Variants in ZNF699 observed in about 807,000 individuals in gnomAD.
ZNF699 encodes the protein hangover homolog.
Under a neutral mutation model 22.5 loss-of-function variants are expected in ZNF699, and 18 were observed. The observed-to-expected ratio is 0.80, with a 90% confidence interval of 0.55 to 1.19. ZNF699 has a LOEUF of 1.19. Ranked by LOEUF, ZNF699 falls within the 50% of genes most tolerant of loss-of-function variation. The pLI is 0.00. For synonymous variants in ZNF699, 241 were observed against 262.3 expected (o/e 0.92, Z 0.78); for missense variants, 670 against 763.4 (o/e 0.88, Z 1.44).
intron 3 of ZNF699, among the ~76,000 whole-genome samples, chr19:9,299,539 G>C (rs2066299599): frequency 6.6e-6 from 1 of 152,052 alleles, no homozygotes; most frequent in Non-Finnish European, 1.5e-5. Context: ...CTGGACTCAA[G>C]TGATCCTCCA....
rs372135542 is a variant in ZNF699, at chr19:9,292,657, A to G, written c.*2818T>C. The stretch of plus-strand genomic sequence containing the variant: ...TCCCTTTAAAGAGTGAAAAGACAAG[A>G]CAGAGATTGGGAAATGTTATCTGTA... On this transcript the variant is annotated 3_prime_UTR_variant, in exon 6 of 6. Transcript: ENST00000591998. 4.6e-5 allele frequency among the ~76,000 whole-genome samples: 7 copies of G among 152,132 alleles called. No homozygotes were observed. The East Asian group carries it at 1.3e-3, about 29-fold the overall frequency.
At chr19:9,298,560 T>G (rs2066295817) in intron 3 of ZNF699, among the ~76,000 whole-genome samples, 1 of 152,128 alleles carries the variant, frequency 6.6e-6, no homozygotes, top group Non-Finnish European at 1.5e-5. Context: ...CAGTCACAAC[T>G]GGGACATTTT....
At position 9,305,124 on chromosome 19, in the gene ZNF699, C is replaced by A; in HGVS notation, c.-5G>T. 1 of 1,613,030 alleles carries A rather than the reference C, an allele frequency of 6.2e-7. No homozygotes were observed. The highest frequency in any genetic ancestry group is 1.1e-5 in the South Asian group (1 of 91,056). On this transcript the variant is annotated splice_region_variant and 5_prime_UTR_variant, in exon 2 of 6. Coordinates refer to ENST00000591998, the MANE Select transcript of ZNF699 (RefSeq NM_198535.3). ...AGTTTTTCTTTCTTCCTCCATGTCGCCTTCATGAAGAAAAGCAGGATATTG... is the reference window on the plus strand; with the variant it reads ...AGTTTTTCTTTCTTCCTCCATGTCGACTTCATGAAGAAAAGCAGGATATTG...
At position 9,297,838 on chromosome 19, in the gene ZNF699, T is replaced by C. The variant is rs2066292544; in HGVS notation, c.286+42A>G. The C allele has an allele frequency of 1.3e-6, 2 of 1,495,892 alleles. No individual in the cohort carries two copies. Among genetic ancestry groups the C allele is most frequent in the South Asian group, 1.1e-5 (1 of 87,482 alleles). 92.7% of individuals were successfully genotyped at this position (1,495,892 alleles called of 1,614,324 possible). On this transcript the variant is annotated intron_variant, in intron 4 of 5. Coordinates refer to ENST00000591998, the MANE Select transcript of ZNF699 (RefSeq NM_198535.3). The surrounding 1 kb of genome is among the most constrained non-coding windows in gnomAD (Gnocchi z 4.3). The stretch of plus-strand genomic sequence containing the variant: ...GTTTTTGTTTTTTACTTTAAGTTTA[T>C]TTTTTCCCCCAACCAAAACAGTTTC...
In ZNF699 at chr19:9,295,859, G is replaced by T; in HGVS notation, c.1545C>A (p.Ser515=). The change falls in exon 6 of 6, where the codon TCC becomes TCA. Residue 515 remains serine (S), a synonymous_variant. Transcript: ENST00000591998. Reference sequence around the variant, plus strand: ...TTCTGATATGTACTGTAAGGTGGGAGGAACTAATAAAGGCTTTCCCACATT... The same window carrying T: ...TTCTGATATGTACTGTAAGGTGGGATGAACTAATAAAGGCTTTCCCACATT... ...CKECGKAFIS[S]SHLTVHIRTH... 1.2e-6 allele frequency: 2 copies of T among 1,613,954 alleles called. No individual in the cohort carries two copies. Among genetic ancestry groups the T allele is most frequent in the Non-Finnish European group, 1.7e-6 (2 of 1,179,972 alleles).
chr19:9,306,323 C>T (rs1401990668), intron 1 of ZNF699, among the ~76,000 whole-genome samples: 2 of 150,946 alleles, frequency 1.3e-5, no homozygotes, highest in African/African-American at 2.4e-5. Flanking sequence ...ACCCGGGAGG[C>T]GGAGGTTGCA....
chr19:9,296,967 A>G (rs915925462), intron 5 of ZNF699, 34 bp from the exon 6 acceptor site: 16 of 1,453,998 alleles, frequency 1.1e-5, no homozygotes, highest in East Asian at 7.2e-5. Context: ...ATTAGTAATA[A>G]ATTTCTACCA....
Position 9,298,004 on chromosome 19 carries a change from A to C in ZNF699, c.176-14T>G. 6.5e-7 allele frequency: 1 copy of C among 1,527,124 alleles called. No homozygotes were observed. Among genetic ancestry groups the C allele is most frequent in the African/African-American group, 1.4e-5 (1 of 72,844 alleles). 94.6% of individuals were successfully genotyped at this position (1,527,124 alleles called of 1,614,324 possible). On this transcript the variant is annotated splice_polypyrimidine_tract_variant and intron_variant, in intron 3 of 5. Coordinates refer to ENST00000591998, the MANE Select transcript of ZNF699 (RefSeq NM_198535.3). ...GTAGCGGATACCCTGCACAAGCAGA[A>C]AGGCATATCACGAGGGAAAATAATG...
Position 9,292,051 on chromosome 19 carries a change from C to T in ZNF699, c.*3424G>A, listed in dbSNP as rs1236452096. ...ACACATGTTAATGGATGACACCTGACCTTTCTAAAATGCTATCTAGGAACT... is the reference window on the plus strand; with the variant it reads ...ACACATGTTAATGGATGACACCTGATCTTTCTAAAATGCTATCTAGGAACT... On this transcript the variant is annotated 3_prime_UTR_variant, in exon 6 of 6. Coordinates refer to ENST00000591998, the MANE Select transcript of ZNF699 (RefSeq NM_198535.3). 6.6e-6 allele frequency among the ~76,000 whole-genome samples: 1 copy of T among 152,152 alleles called. No individual in the cohort carries two copies.
chr19:9,300,969 A>T (rs1340584040), intron 3 of ZNF699, among the ~76,000 whole-genome samples: 1 of 152,206 alleles, frequency 6.6e-6, no homozygotes, highest in Admixed American at 6.5e-5. Context: ...GTGTCAATGT[A>T]GCTTCATCAG....
At chr19:9,307,041 A>G (rs1047542604) in intron 1 of ZNF699, among the ~76,000 whole-genome samples, 10 of 152,136 alleles carry the variant, frequency 6.6e-5, no homozygotes, top group African/African-American at 2.4e-4. Flanking sequence ...TCTCTACTAA[A>G]ACTACAAAAA....
chr19:9,304,900 C>T (rs889892851), intron 2 of ZNF699, among the ~76,000 whole-genome samples, 172 bp downstream of exon 2: 5 of 137,830 alleles, frequency 3.6e-5, no homozygotes, highest in African/African-American at 8.1e-5. Flanking sequence ...TCCAGCCTGG[C>T]GACAGAGCAA....
intron 3 of ZNF699, among the ~76,000 whole-genome samples, chr19:9,301,596 G>A (rs1005192594): frequency 2.0e-5 from 3 of 152,202 alleles, no homozygotes; most frequent in African/African-American, 7.2e-5. Flanking sequence ...TCACTCAACT[G>A]AAGCACAAAT....
At chr19:9,301,857 C>T (rs1159060041) in intron 3 of ZNF699, among the ~76,000 whole-genome samples, 2 of 151,096 alleles carry the variant, frequency 1.3e-5, no homozygotes, top group Non-Finnish European at 3.0e-5. Flanking sequence ...GGCTTTCAAC[C>T]ACGAAAAAAA....
Position 9,295,468 on chromosome 19 carries a change from C to T in ZNF699, c.*7G>A. 6.3e-7 allele frequency: 1 copy of T among 1,597,480 alleles called. No individual in the cohort carries two copies. The highest frequency in any genetic ancestry group is 8.5e-7 in the Non-Finnish European group (1 of 1,171,872). On this transcript the variant is annotated 3_prime_UTR_variant, in exon 6 of 6. Transcript: ENST00000591998. ...AAGCTTTGCAGACATTCCCATATTC[C>T]TTACATTTATATGTTTTCTCTAGTG...
chr19:9,303,942 C>G (rs779875684), intron 2 of ZNF699, among the ~76,000 whole-genome samples: 2 of 151,912 alleles, frequency 1.3e-5, no homozygotes, highest in African/African-American at 2.4e-5. Context: ...CTCAGCCTCC[C>G]GAGTAGCTGG....
At position 9,302,518 on chromosome 19, in the gene ZNF699, C is replaced by T. The variant is rs768808706; in HGVS notation, c.49-14G>A. ...GACTACTGAGTCCTAAAACATACCACAAATTCTGTTCAGAAAGGTACAATT... is the reference window on the plus strand; with the variant it reads ...GACTACTGAGTCCTAAAACATACCATAAATTCTGTTCAGAAAGGTACAATT... On this transcript the variant is annotated splice_polypyrimidine_tract_variant and intron_variant, in intron 2 of 5. Transcript: ENST00000591998. The T allele has an allele frequency of 6.3e-7, 1 of 1,596,628 alleles. No individual in the cohort carries two copies. The highest frequency in any genetic ancestry group is 1.4e-5 in the African/African-American group (1 of 74,028).
chr19:9,307,491 G>A (rs1236631381), intron 1 of ZNF699, among the ~76,000 whole-genome samples: 3 of 152,118 alleles, frequency 2.0e-5, no homozygotes, highest in African/African-American at 7.2e-5. Flanking sequence ...CACATTATAG[G>A]GATAAGGAGA....
rs74633782 is a variant in ZNF699, at chr19:9,303,450, G to A, written c.49-946C>T. Among the ~76,000 whole-genome samples the A allele has an allele frequency of 2.2e-4, 33 of 152,290 alleles. No homozygotes were observed. The East Asian group carries it at 6.2e-3, about 28-fold the overall frequency. ...ACTGGTTTATCACCAAGGTCATTACGAAGTACACAGATAAAATAGCCAGAT... is the reference window on the plus strand; with the variant it reads ...ACTGGTTTATCACCAAGGTCATTACAAAGTACACAGATAAAATAGCCAGAT... On this transcript the variant is annotated intron_variant, in intron 2 of 5. Transcript: ENST00000591998.
Sources: gnomAD v4.1 joint callset for allele counts (sites outside exome capture counted in the v4.1 genomes callset) on GRCh38, gnomAD v4.1.1 for gene constraint, Gnocchi (gnomAD v3.1) non-coding constraint, MANE v1.5 for transcripts, NCBI Gene and HGNC (gene_info 2026-07-23, HGNC 2026-07-21) for gene names.